RNFT2: variants seen among roughly 807,000 people sequenced by gnomAD.
RNFT2 encodes the protein E3 ubiquitin-protein ligase RNFT2.
Under a neutral mutation model 53.0 loss-of-function variants are expected in RNFT2, and 36 were observed. That is an observed-to-expected ratio of 0.68 (90% CI 0.52 to 0.90). The LOEUF (loss-of-function observed/expected upper bound fraction) is 0.90, where lower values mean the gene tolerates loss of function less well. RNFT2 is among the 40% of genes least tolerant of loss of function. The pLI, the probability that RNFT2 is intolerant of heterozygous loss-of-function variation, is 0.00. For missense variants in RNFT2, 514 were observed against 585.6 expected (o/e 0.88, Z 1.26); for synonymous variants, 260 against 253.2 (o/e 1.03, Z -0.26).
intron 10 of RNFT2, among the ~76,000 whole-genome samples, chr12:116,842,490 T>C (rs548060988): frequency 3.9e-5 from 6 of 152,318 alleles, no homozygotes; most frequent in Admixed American, 2.0e-4. Context: ...TTTGCTGTTA[T>C]GAGACTGGGG....
At chr12:116,770,714 T>C (rs543446109) in intron 6 of RNFT2, among the ~76,000 whole-genome samples, 1 of 152,146 alleles carries the variant, frequency 6.6e-6, no homozygotes, top group East Asian at 1.9e-4. Flanking sequence ...CATGTTACCA[T>C]GCTCAGCTAA....
At chr12:116,741,505 G>T (rs1349467115) in intron 3 of RNFT2, among the ~76,000 whole-genome samples, 4 of 152,192 alleles carry the variant, frequency 2.6e-5, no homozygotes, top group Non-Finnish European at 5.9e-5. Context: ...GTTCACTGAT[G>T]GCCATTCTTT....
At chr12:116,848,913 G>T (rs774813747) in intron 10 of RNFT2, among the ~76,000 whole-genome samples, 1 of 152,086 alleles carries the variant, frequency 6.6e-6, no homozygotes, top group Non-Finnish European at 1.5e-5. Context: ...TCTGCCTCCG[G>T]GTTCAAACGA....
At chr12:116,765,385 G>A (rs369315267) in intron 5 of RNFT2, among the ~76,000 whole-genome samples, 10 of 152,168 alleles carry the variant, frequency 6.6e-5, no homozygotes, top group East Asian at 1.9e-4. Flanking sequence ...CATTTGTTTC[G>A]TCCACTCTCT....
chr12:116,785,423 G>A (rs187561457), intron 7 of RNFT2, among the ~76,000 whole-genome samples: 65 of 152,088 alleles, frequency 4.3e-4, no homozygotes, highest in Admixed American at 1.3e-4. Context: ...CTCCTGAGTA[G>A]CTGGGACTGC....
At chr12:116,743,238 A>AAAAAAAAAAAAAAAAAAT (rs1871720360) in intron 3 of RNFT2, among the ~76,000 whole-genome samples, 1 of 114,262 alleles carries the variant, frequency 8.8e-6, no homozygotes, top group African/African-American at 3.2e-5. Context: ...AAAAAAAAAA[A>AAAAAAAAAAAAAAAAAAT]AAAAAACCGG....
chr12:116,833,883 ACTC>A lies in RNFT2; in HGVS notation c.979_981del (p.Ser327del). On this transcript the variant is annotated inframe_deletion, in exon 8 of 11. Transcript: ENST00000257575. The stretch of plus-strand genomic sequence containing the variant: ...TGGTACAAATACATCATGGGTGACG[ACTC>A]CTCCAACAGCTACTTCCTGGGCGGG... 1 of 1,609,818 alleles carries A rather than the reference ACTC, an allele frequency of 6.2e-7. No individual in the cohort carries two copies. The highest frequency in any genetic ancestry group is 1.3e-5 in the African/African-American group (1 of 74,382).
intron 5 of RNFT2, among the ~76,000 whole-genome samples, chr12:116,762,384 GT>G: frequency 7.5e-6 from 1 of 132,454 alleles, no homozygotes; most frequent in African/African-American, 2.7e-5. Flanking sequence ...GTTTGAGATG[GT>G]TTCACTCCAT....
intron 7 of RNFT2, among the ~76,000 whole-genome samples, chr12:116,797,152 G>T (rs1041848625): frequency 1.3e-5 from 2 of 152,196 alleles, no homozygotes; most frequent in Non-Finnish European, 2.9e-5. Context: ...CTCCCCAAAT[G>T]TTATGGATTG....
intron 7 of RNFT2, among the ~76,000 whole-genome samples, chr12:116,794,737 C>T (rs763790042): frequency 1.4e-5 from 2 of 147,076 alleles, no homozygotes; most frequent in Non-Finnish European, 3.0e-5. Flanking sequence ...ACTCTTAGCC[C>T]AAGATCCCAG....
At chr12:116,766,573 A>G (rs1872921926) in intron 5 of RNFT2, among the ~76,000 whole-genome samples, 1 of 152,166 alleles carries the variant, frequency 6.6e-6, no homozygotes, top group Non-Finnish European at 1.5e-5. Context: ...GCTGCGAACC[A>G]TGGTGTTCTC....
intron 3 of RNFT2, among the ~76,000 whole-genome samples, chr12:116,741,308 T>C (rs1171734824): frequency 2.0e-5 from 3 of 152,284 alleles, no homozygotes; most frequent in Non-Finnish European, 4.4e-5. Flanking sequence ...TGACTCATTG[T>C]ATCAATGAAT....
chr12:116,739,261 G>C (rs1388402003), intron 1 of RNFT2, among the ~76,000 whole-genome samples: 1 of 152,216 alleles, frequency 6.6e-6, no homozygotes, highest in African/African-American at 2.4e-5. Context: ...TTATTACCTT[G>C]CTAGGGTGAA....
At chr12:116,833,679 A>T in intron 7 of RNFT2, 113 bp from the exon 8 acceptor site, 3 of 1,072,468 alleles carry the variant, frequency 2.8e-6, no homozygotes, top group Non-Finnish European at 4.1e-6. Flanking sequence ...AGAGCTGATT[A>T]ATGGCCTGCC....
chr12:116,800,751 T>G (rs1003250804), intron 7 of RNFT2, among the ~76,000 whole-genome samples: 2 of 150,990 alleles, frequency 1.3e-5, no homozygotes, highest in African/African-American at 4.9e-5. Context: ...GAGGTGGAGG[T>G]TGCAGTGAGC....
chr12:116,782,771 G>T (rs1181483961), intron 7 of RNFT2, among the ~76,000 whole-genome samples: 2 of 152,030 alleles, frequency 1.3e-5, no homozygotes. Context: ...AAATAAGTCT[G>T]AACACACAGT....
intron 3 of RNFT2, among the ~76,000 whole-genome samples, chr12:116,742,964 C>T (rs1449003693): frequency 6.7e-6 from 1 of 149,610 alleles, no homozygotes; most frequent in Non-Finnish European, 1.5e-5. Context: ...ATCTGTGGTC[C>T]TAGTTATGCA....
At chr12:116,751,990 A>G (rs553295037) in intron 4 of RNFT2, among the ~76,000 whole-genome samples, 1 of 152,202 alleles carries the variant, frequency 6.6e-6, no homozygotes, top group Admixed American at 6.5e-5. Flanking sequence ...GCGGGCTTAT[A>G]CACTGTTGTT....
chr12:116,788,349 T>A (rs1327742177), intron 7 of RNFT2, among the ~76,000 whole-genome samples: 1 of 152,224 alleles, frequency 6.6e-6, no homozygotes, highest in Non-Finnish European at 1.5e-5. Context: ...GAAACTAACC[T>A]ACAATCTTCT....
Sources: gnomAD v4.1 joint callset for allele counts (sites outside exome capture counted in the v4.1 genomes callset) on GRCh38, gnomAD v4.1.1 for gene constraint, MANE v1.5 for transcripts, NCBI Gene and HGNC (gene_info 2026-07-23, HGNC 2026-07-21) for gene names.